GPR119: variants seen among roughly 807,000 people sequenced by gnomAD.
GPR119 encodes G protein-coupled receptor 119.
In GPR119, 7 loss-of-function variants were observed where a neutral mutation model predicts 13.3. The ratio of observed to expected loss-of-function variants is 0.53; its 90% CI spans 0.30 to 0.99. GPR119 has a LOEUF of 0.99. GPR119 is among the 50% of genes least tolerant of loss of function. GPR119 has a pLI of 0.06. For synonymous variants in GPR119, 107 were observed against 112.5 expected (o/e 0.95, Z 0.31); for missense variants, 197 against 263.0 (o/e 0.75, Z 1.74).
chrX:130,381,523 C>A lies in GPR119; in HGVS notation c.*1033G>T, dbSNP rs76115413. Among the ~76,000 whole-genome samples, 787 of 111,817 alleles carry A rather than the reference C, an allele frequency of 7.0e-3. 13 individuals carry two copies. The highest frequency in any genetic ancestry group is 0.024 in the African/African-American group (749 of 30,770). On this transcript the variant is annotated 3_prime_UTR_variant, in exon 2 of 2. Transcript: ENST00000682440. The stretch of plus-strand genomic sequence containing the variant: ...AGTGCCAGTGCCTTGTTTGTATCCG[C>A]TCTGTCTTGATACTGCTAAGGTATT...
At position 130,381,385 on chromosome X, in the gene GPR119, G is replaced by A. The variant is rs769155114; in HGVS notation, c.*1171C>T. 1.8e-5 allele frequency among the ~76,000 whole-genome samples: 2 copies of A among 111,379 alleles called. No homozygotes were observed. Among genetic ancestry groups the A allele is most frequent in the South Asian group, 7.6e-4 (2 of 2,627 alleles). Reference sequence around the variant, plus strand: ...AGGCTGGTCTTGAACCCCTGACCTCGTGATCCACCTGCCTCAGCCTCCCAA... The same window carrying A: ...AGGCTGGTCTTGAACCCCTGACCTCATGATCCACCTGCCTCAGCCTCCCAA... On this transcript the variant is annotated 3_prime_UTR_variant, in exon 2 of 2. Transcript: ENST00000682440.
At position 130,381,275 on chromosome X, in the gene GPR119, T is replaced by C. The variant is rs1238381738; in HGVS notation, c.*1281A>G. 1.8e-5 allele frequency among the ~76,000 whole-genome samples: 2 copies of C among 111,316 alleles called. No homozygotes were observed. The highest frequency in any genetic ancestry group is 3.8e-5 in the Non-Finnish European group (2 of 53,036). The stretch of plus-strand genomic sequence containing the variant: ...AAGCGATTTTCCTGCCTTAGCCTCT[T>C]GAGTAGCTGGGATTACAGGCGCCTG... On this transcript the variant is annotated 3_prime_UTR_variant, in exon 2 of 2. Transcript: ENST00000682440.
rs1345475417 is a variant in GPR119 at position 130,384,766 on chromosome X, A to G, written c.682T>C (p.Ser228Pro). ...AGAGCAAAGCTCCCAATGAGAACAG[A>G]CACAGTACGGAGAGCTTTGAAGTCG... ...PSDFKALRTVSVLIGSFALSW... is the reference protein window; with the variant it reads ...PSDFKALRTVPVLIGSFALSW... Residue 228 changes from serine (S) to proline (P), a missense_variant, in exon 1 of 2, where the codon TCT becomes CCT. Coordinates refer to ENST00000682440, the MANE Select transcript of GPR119 (RefSeq NM_178471.3). 8 of 1,211,530 alleles carry G rather than the reference A, an allele frequency of 6.6e-6. No homozygotes were observed. In the Admixed American group the frequency reaches 8.7e-5, roughly 13 times the overall value.
At position 130,384,800 on chromosome X, in the gene GPR119, C is replaced by T. The variant is rs2034375777; in HGVS notation, c.648G>A (p.Arg216=). 2.5e-6 allele frequency: 3 copies of T among 1,211,692 alleles called. No homozygotes were observed. In the South Asian group the frequency reaches 5.3e-5, roughly 21 times the overall value. ...GAMAGGYRSP[R]TPSDFKALRT... Reference sequence around the variant, plus strand: ...GGAGAGCTTTGAAGTCGCTGGGAGTCCGTGGGGATCGATAACCTCCAGCCA... The same window carrying T: ...GGAGAGCTTTGAAGTCGCTGGGAGTTCGTGGGGATCGATAACCTCCAGCCA... Residue 216 remains arginine (R), a synonymous_variant, in exon 1 of 2, where the codon CGG becomes CGA. Coordinates refer to ENST00000682440, the MANE Select transcript of GPR119 (RefSeq NM_178471.3).
intron 1 of GPR119, among the ~76,000 whole-genome samples, chrX:130,382,862 A>C (rs1187487840): frequency 9.0e-6 from 1 of 110,980 alleles, no homozygotes; most frequent in East Asian, 2.8e-4. Flanking sequence ...AGAATGAAAA[A>C]TTTCAAGGGC....
rs1319406592 is a variant in GPR119 at position 130,381,751 on chromosome X, A to G, written c.*805T>C. Among the ~76,000 whole-genome samples, 1 of 112,040 alleles carries G rather than the reference A, an allele frequency of 8.9e-6. No individual in the cohort carries two copies. Among genetic ancestry groups the G allele is most frequent in the African/African-American group, 3.2e-5 (1 of 30,814 alleles). On this transcript the variant is annotated 3_prime_UTR_variant, in exon 2 of 2. Coordinates refer to ENST00000682440, the MANE Select transcript of GPR119 (RefSeq NM_178471.3). ...TTTAAAGAAGAGGAAGAGAACTGAC[A>G]TTTTTGAGCACTAACAATGTGCTGT...
rs1342546095 is a variant in GPR119, at chrX:130,380,360, G to T, written c.*2196C>A. Among the ~76,000 whole-genome samples, 1 of 112,050 alleles carries T rather than the reference G, an allele frequency of 8.9e-6. No individual in the cohort carries two copies. Among genetic ancestry groups the T allele is most frequent in the Non-Finnish European group, 1.9e-5 (1 of 53,214 alleles). ...CCAAGGCTATCTCTGGCTGACACTG[G>T]ACATATGGACAAGCAGGAGTGTGTT... On this transcript the variant is annotated 3_prime_UTR_variant, in exon 2 of 2. Transcript: ENST00000682440.
Position 130,384,985 on chromosome X carries a change from A to C in GPR119, c.463T>G (p.Cys155Gly). Residue 155 changes from cysteine (C) to glycine (G), a missense_variant, in exon 1 of 2, where the codon TGC becomes GGC. Physicochemically the swap from Cys to Gly is radical, Grantham distance 159. Coordinates refer to ENST00000682440, the MANE Select transcript of GPR119 (RefSeq NM_178471.3). ...MFQQTAYKGQ[C>G]SFFAVFHPHF... The stretch of plus-strand genomic sequence containing the variant: ...GGGTGAAATACAGCAAAGAAGCTGC[A>C]CTGCCCTTTGTAGGCAGTCTGCTGG... 1 of 1,212,048 alleles carries C rather than the reference A, an allele frequency of 8.3e-7. No individual in the cohort carries two copies. The highest frequency in any genetic ancestry group is 1.1e-6 in the Non-Finnish European group (1 of 895,486).
At chrX:130,383,640 C>T (rs746161502) in intron 1 of GPR119, among the ~76,000 whole-genome samples, 2 of 112,309 alleles carry the variant, frequency 1.8e-5, no homozygotes, top group South Asian at 3.7e-4. Flanking sequence ...ATGAGGTGTG[C>T]GAAAAGACAA....
chrX:130,382,098 G>A lies in GPR119; in HGVS notation c.*458C>T, dbSNP rs760323565. ...ATTGACAAATAATTGTATATATTAC[G>A]TGGGGTACAATGTGATGTTGATATA... On this transcript the variant is annotated 3_prime_UTR_variant, in exon 2 of 2. Transcript: ENST00000682440. Among the ~76,000 whole-genome samples, 1 of 110,530 alleles carries A rather than the reference G, an allele frequency of 9.0e-6. No homozygotes were observed. The highest frequency in any genetic ancestry group is 3.3e-5 in the African/African-American group (1 of 30,368).
chrX:130,384,680 G>A lies in GPR119; in HGVS notation c.768C>T (p.Leu256=), dbSNP rs2124780281. The A allele has an allele frequency of 8.3e-7, 1 of 1,212,000 alleles. No individual in the cohort carries two copies. The highest frequency in any genetic ancestry group is 1.1e-6 in the Non-Finnish European group (1 of 895,560). ...ACAGGTACCGTTCCAGCACTAGGTA[G>A]AGGTGACACTCCTGGCAGGCCACCT... The part of the protein sequence containing the change: ...IVQVACQECH[L]YLVLERYLWL... The change falls in exon 1 of 2, where the codon CTC becomes CTT. Residue 256 remains leucine (L), a synonymous_variant. Coordinates refer to ENST00000682440, the MANE Select transcript of GPR119 (RefSeq NM_178471.3).
chrX:130,380,224 G>C lies in GPR119; in HGVS notation c.*2332C>G, dbSNP rs1257853330. Among the ~76,000 whole-genome samples the C allele has an allele frequency of 8.9e-6, 1 of 111,966 alleles. No homozygotes were observed. Among genetic ancestry groups the C allele is most frequent in the Non-Finnish European group, 1.9e-5 (1 of 53,195 alleles). On this transcript the variant is annotated 3_prime_UTR_variant, in exon 2 of 2. Coordinates refer to ENST00000682440, the MANE Select transcript of GPR119 (RefSeq NM_178471.3). ...GTATCTTGTGCCTGCTGTTTTCACT[G>C]GTCTCTATTCAGTTTGGCCAGTGAC...
rs372263961 is a variant in GPR119, at chrX:130,384,641, C to G, written c.807G>C (p.Val269=). Residue 269 remains valine (V), a synonymous_variant, in exon 1 of 2, where the codon GTG becomes GTC. Transcript: ENST00000682440. ...VLERYLWLLG[V]GNSLLNPLIY... is the part of the protein sequence containing the mutation. ...TGAGTGGGTTGAGCAGGGAGTTGCCCACGCCGAGCAGCCACAGGTACCGTT... is the reference window on the plus strand; with the variant it reads ...TGAGTGGGTTGAGCAGGGAGTTGCCGACGCCGAGCAGCCACAGGTACCGTT... The G allele has an allele frequency of 8.3e-7, 1 of 1,211,643 alleles. No homozygotes were observed. Among genetic ancestry groups the G allele is most frequent in the African/African-American group, 1.7e-5 (1 of 57,741 alleles).
chrX:130,385,019 G>A lies in GPR119; in HGVS notation c.429C>T (p.Ile143=). 8.3e-7 allele frequency: 1 copy of A among 1,211,788 alleles called. No homozygotes were observed. Among genetic ancestry groups the A allele is most frequent in the South Asian group, 1.8e-5 (1 of 56,989 alleles). ...TGTAGGCAGTCTGCTGGAACATGGG[G>A]ATTCCGAGTGGGAGGAAGCCAATGA... ...SYLIGFLPLG[I]PMFQQTAYKG... The change falls in exon 1 of 2, where the codon ATC becomes ATT. Residue 143 remains isoleucine (I), a synonymous_variant. Coordinates refer to ENST00000682440, the MANE Select transcript of GPR119 (RefSeq NM_178471.3).
Position 130,381,675 on chromosome X carries a change from G to T in GPR119, c.*881C>A, listed in dbSNP as rs2034359617. Among the ~76,000 whole-genome samples, 1 of 111,797 alleles carries T rather than the reference G, an allele frequency of 8.9e-6. No individual in the cohort carries two copies. The highest frequency in any genetic ancestry group is 1.9e-5 in the Non-Finnish European group (1 of 53,205). ...CCTTGTCCTATATGTCATAATATCT[G>T]AATATGAGGGACTCCCTTAAATGGG... On this transcript the variant is annotated 3_prime_UTR_variant, in exon 2 of 2. Coordinates refer to ENST00000682440, the MANE Select transcript of GPR119 (RefSeq NM_178471.3).
In GPR119 at chrX:130,382,161, C is replaced by CTT. The variant is rs11433896; in HGVS notation, c.*393_*394dup. On this transcript the variant is annotated 3_prime_UTR_variant, in exon 2 of 2. Coordinates refer to ENST00000682440, the MANE Select transcript of GPR119 (RefSeq NM_178471.3). ...GGAATGATTAAATCAGGCTAATTTA[C>CTT]TTTTTTTTTTCTAAAAGGACCTTGG... is the stretch of plus-strand genomic sequence containing the variant. Among the ~76,000 whole-genome samples the CTT allele has an allele frequency of 7.5e-5, 8 of 106,632 alleles. No individual in the cohort carries two copies. The highest frequency in any genetic ancestry group is 2.4e-4 in the African/African-American group (7 of 29,275). The allele number at this position is 106,632 out of a possible 115,157, so 92.6% of individuals were successfully genotyped here. A position where few individuals can be genotyped will look rare whatever the true frequency, so the allele number is the denominator to read the frequency against.
chrX:130,385,160 G>C lies in GPR119; in HGVS notation c.288C>G (p.Val96=). 1 of 1,212,009 alleles carries C rather than the reference G, an allele frequency of 8.3e-7. No individual in the cohort carries two copies. Among genetic ancestry groups the C allele is most frequent in the Non-Finnish European group, 1.1e-6 (1 of 895,462 alleles). ...TSSAAASVLT[V]MLITFDRYLA... ...GGTACCTGTCAAAGGTGATCAGCAT[G>C]ACCGTGAGGACAGAGGCAGCTGCGG... is the stretch of plus-strand genomic sequence containing the variant. The change falls in exon 1 of 2, where the codon GTC becomes GTG. Residue 96 remains valine (V), a synonymous_variant. Coordinates refer to ENST00000682440, the MANE Select transcript of GPR119 (RefSeq NM_178471.3).
chrX:130,379,711 T>G lies in GPR119; in HGVS notation c.*2845A>C. On this transcript the variant is annotated 3_prime_UTR_variant, in exon 2 of 2. Coordinates refer to ENST00000682440, the MANE Select transcript of GPR119 (RefSeq NM_178471.3). ...ATAGGAAAATATACACAATATAATG[T>G]TAAGTGAAAAAAACAGATGAAGGAG... 8.9e-6 allele frequency among the ~76,000 whole-genome samples: 1 copy of G among 112,365 alleles called. No homozygotes were observed. The highest frequency in any genetic ancestry group is 4.6e-3 in the Middle Eastern group (1 of 217).
intron 1 of GPR119, among the ~76,000 whole-genome samples, chrX:130,383,430 C>T (rs1281556234): frequency 8.9e-6 from 1 of 111,891 alleles, no homozygotes; most frequent in African/African-American, 3.2e-5. Context: ...CCTTGGTACC[C>T]ACATGTTTTC....
Sources: gnomAD v4.1 joint callset for allele counts (sites outside exome capture counted in the v4.1 genomes callset) on GRCh38, gnomAD v4.1.1 for gene constraint, MANE v1.5 for transcripts, NCBI Gene and HGNC (gene_info 2026-07-23, HGNC 2026-07-21) for gene names.